GALNT3: variants seen among roughly 807,000 people sequenced by gnomAD.
The protein encoded by GALNT3 is GalNAc transferase 3.
GALNT3 carries 51 observed loss-of-function variants against 69.8 expected under a neutral mutation model. That is an observed-to-expected ratio of 0.73 (90% CI 0.58 to 0.92). The LOEUF (loss-of-function observed/expected upper bound fraction) is 0.92. GALNT3 is among the 40% of genes least tolerant of loss of function. GALNT3 has a pLI of 0.00. For synonymous variants in GALNT3, 265 were observed against 248.5 expected (o/e 1.07, Z -0.63); for missense variants, 711 against 760.0 (o/e 0.94, Z 0.76).
At chr2:165,765,785 CAATATT>C (rs1329325444) in intron 2 of GALNT3, among the ~76,000 whole-genome samples, 2 of 151,978 alleles carry the variant, frequency 1.3e-5, no homozygotes, top group Non-Finnish European at 2.9e-5. Flanking sequence ...ACTGCGCCCA[CAATATT>C]AAATCATTTT....
intron 4 of GALNT3, among the ~76,000 whole-genome samples, chr2:165,761,271 G>A (rs945130590): frequency 6.6e-6 from 1 of 152,104 alleles, no homozygotes; most frequent in Admixed American, 6.5e-5. Context: ...GAGTGCAGTG[G>A]CACAATCTCA....
intron 9 of GALNT3, 79 bp from the exon 10 acceptor site, chr2:165,749,973 C>T (rs1197072709): frequency 5.0e-6 from 6 of 1,212,058 alleles, no homozygotes; most frequent in South Asian, 3.6e-5. Context: ...ATCAGCAACT[C>T]GTTAAATAAT....
intron 2 of GALNT3, among the ~76,000 whole-genome samples, chr2:165,769,628 G>A (rs1396698544): frequency 6.6e-6 from 1 of 151,628 alleles, no homozygotes; most frequent in African/African-American, 2.4e-5. Context: ...GGTGGCGGGC[G>A]CCTGTAATCC....
chr2:165,758,904 AAAC>A (rs765710216), intron 5 of GALNT3, 40 bp from the exon 6 acceptor site: 3 of 1,134,898 alleles, frequency 2.6e-6, no homozygotes, highest in South Asian at 1.3e-5. Context: ...TATAAAAACT[AAAC>A]AAGATAAAAC....
chr2:165,754,779 T>C (rs374998155), intron 8 of GALNT3, 51 bp from the exon 9 acceptor site: 7 of 1,411,126 alleles, frequency 5.0e-6, no homozygotes, highest in African/African-American at 1.4e-5. Context: ...ATGTGATTTA[T>C]ATATTTTTAA....
chr2:165,749,695 G>C, intron 10 of GALNT3, 47 bp downstream of exon 10: 5 of 1,523,560 alleles, frequency 3.3e-6, no homozygotes, highest in Non-Finnish European at 2.7e-6. Flanking sequence ...TAAGCAAGTA[G>C]AGCTAAGAAA....
At chr2:165,792,376 G>A (rs1683372648) in intron 1 of GALNT3, among the ~76,000 whole-genome samples, 1 of 152,108 alleles carries the variant, frequency 6.6e-6, no homozygotes, top group South Asian at 2.1e-4. Context: ...AAAATTCAGG[G>A]AACAACTCCT....
intron 1 of GALNT3, among the ~76,000 whole-genome samples, chr2:165,781,425 T>A (rs1030890115): frequency 1.3e-5 from 2 of 151,404 alleles, no homozygotes; most frequent in African/African-American, 4.9e-5. Flanking sequence ...CAAAACCCCA[T>A]CTCCACAAAA....
chr2:165,777,869 A>G (rs1168199910), intron 1 of GALNT3, among the ~76,000 whole-genome samples: 2 of 152,292 alleles, frequency 1.3e-5, no homozygotes, highest in East Asian at 3.9e-4. Context: ...TTATAAACTA[A>G]GAACAGCTTT....
chr2:165,792,521 G>A (rs1005596247), intron 1 of GALNT3, among the ~76,000 whole-genome samples: 1 of 152,160 alleles, frequency 6.6e-6, no homozygotes, highest in Non-Finnish European at 1.5e-5. Flanking sequence ...TTATGCTGTG[G>A]TTGGCTTTTA....
chr2:165,760,196 G>A (rs1018301466), intron 4 of GALNT3, among the ~76,000 whole-genome samples: 1 of 151,604 alleles, frequency 6.6e-6, no homozygotes, highest in Non-Finnish European at 1.5e-5. Flanking sequence ...ATTTAAACTC[G>A]TATCTCCCTG....
At chr2:165,765,190 C>G in intron 2 of GALNT3, 134 bp from the exon 3 acceptor site, 1 of 789,234 alleles carries the variant, frequency 1.3e-6, no homozygotes, top group East Asian at 2.7e-5. Context: ...GTGATATAAT[C>G]TCAATGCTAT....
At chr2:165,772,462 G>A (rs1298032517) in intron 1 of GALNT3, among the ~76,000 whole-genome samples, 1 of 151,870 alleles carries the variant, frequency 6.6e-6, no homozygotes, top group Non-Finnish European at 1.5e-5. Flanking sequence ...GTGCACGCCT[G>A]TAGTCCCAGC....
chr2:165,759,260 A>G (rs551098762), intron 5 of GALNT3, 76 bp downstream of exon 5: 2 of 1,176,184 alleles, frequency 1.7e-6, no homozygotes, highest in African/African-American at 1.5e-5. Flanking sequence ...GGCAATTGCT[A>G]TAAAGCAAAC....
chr2:165,775,787 G>A (rs1435798527), intron 1 of GALNT3, among the ~76,000 whole-genome samples: 1 of 152,170 alleles, frequency 6.6e-6, no homozygotes, highest in African/African-American at 2.4e-5. Flanking sequence ...AGCAGCAAGG[G>A]TTAAGAATTA....
At chr2:165,791,695 A>T (rs1683355206) in intron 1 of GALNT3, among the ~76,000 whole-genome samples, 1 of 152,204 alleles carries the variant, frequency 6.6e-6, no homozygotes. Flanking sequence ...TTTTAAGCCA[A>T]TATAATAAAA....
rs748019351 is a variant in GALNT3, at chr2:165,757,227, C to T, written c.1212G>A (p.Gln404=). 27 of 1,614,004 alleles carry T rather than the reference C, an allele frequency of 1.7e-5. No homozygotes were observed. The East Asian group carries it at 4.2e-4, about 25-fold the overall frequency. The change falls in exon 7 of 11, where the codon CAG becomes CAA. Residue 404 remains glutamine (Q), a synonymous_variant. Coordinates refer to ENST00000392701, the MANE Select transcript of GALNT3 (RefSeq NM_004482.4). ...MSFRVWQCGG[Q]LEIMPCSVVG... is the part of the protein sequence containing the mutation. ...CAACAGAGCAAGGCATAATCTCCAA[C>T]TGCCCACCACATTGCCATACCTGAT...
intron 1 of GALNT3, among the ~76,000 whole-genome samples, chr2:165,789,945 G>A (rs1020033439): frequency 1.3e-5 from 2 of 152,128 alleles, no homozygotes; most frequent in African/African-American, 2.4e-5. Flanking sequence ...ATTTTGTTTT[G>A]CTTTGTTTTC....
chr2:165,767,943 G>A (rs1353239128), intron 2 of GALNT3, among the ~76,000 whole-genome samples: 1 of 143,656 alleles, frequency 7.0e-6, no homozygotes, highest in African/African-American at 2.6e-5. Context: ...GTGCAATCTC[G>A]GCTCACTGCA....
Sources: gnomAD v4.1 joint callset for allele counts (sites outside exome capture counted in the v4.1 genomes callset) on GRCh38, gnomAD v4.1.1 for gene constraint, MANE v1.5 for transcripts, NCBI Gene and HGNC (gene_info 2026-07-23, HGNC 2026-07-21) for gene names.